Variants in BRMS1L observed in about 807,000 individuals in gnomAD.
BRMS1L encodes breast cancer metastasis-suppressor 1-like protein.
BRMS1L carries 23 observed loss-of-function variants against 50.3 expected under a neutral mutation model. That is an observed-to-expected ratio of 0.46 (90% CI 0.33 to 0.65). The LOEUF (loss-of-function observed/expected upper bound fraction) is 0.65. BRMS1L is among the 30% of genes least tolerant of loss of function. BRMS1L has a pLI of 0.02. For missense variants in BRMS1L, 286 were observed against 386.1 expected (o/e 0.74, Z 2.17); for synonymous variants, 114 against 126.9 (o/e 0.90, Z 0.69).
intron 8 of BRMS1L, 159 bp downstream of exon 8, chr14:35,865,920 C>A: frequency 1.6e-6 from 1 of 642,604 alleles, no homozygotes; most frequent in Non-Finnish European, 2.6e-6. Context: ...CATTGCTTCA[C>A]GTAAAAGTTT....
intron 4 of BRMS1L, among the ~76,000 whole-genome samples, chr14:35,843,243 TGGA>T (rs1419391116): frequency 2.0e-5 from 3 of 152,328 alleles, no homozygotes; most frequent in South Asian, 2.1e-4. Flanking sequence ...TGTGATCCTT[TGGA>T]GGAGAAGAGG....
chr14:35,847,431 TG>T (rs2078150432), intron 4 of BRMS1L, among the ~76,000 whole-genome samples: 1 of 152,202 alleles, frequency 6.6e-6, no homozygotes, highest in South Asian at 2.1e-4. Flanking sequence ...CCCAAGTACC[TG>T]GGACTATAGG....
rs59272704 is a variant in BRMS1L at position 35,853,021 on chromosome 14, TAGAGAGAG to T, written c.442-9565_442-9558del. Among the ~76,000 whole-genome samples, 1,325 of 151,898 alleles carry T rather than the reference TAGAGAGAG, an allele frequency of 8.7e-3. 15 individuals carry two copies. The highest frequency in any genetic ancestry group is 0.031 in the African/African-American group (1,268 of 41,256). ...ATCTATCTATCTATCTATCTATATA[TAGAGAGAG>T]AGACTTATCATACTCACACATTTTA... On this transcript the variant is annotated intron_variant, in intron 4 of 9. Transcript: ENST00000216807.
At chr14:35,870,295 AT>A (rs914455341) in intron 9 of BRMS1L, 64 bp from the exon 10 acceptor site, 11 of 1,027,934 alleles carry the variant, frequency 1.1e-5, no homozygotes, top group Non-Finnish European at 1.6e-5. Context: ...TATATAGGTA[AT>A]AATCTAAAGT....
At position 35,867,995 on chromosome 14, in the gene BRMS1L, A is replaced by G. The variant is rs780063887; in HGVS notation, c.817A>G (p.Thr273Ala). 6.2e-7 allele frequency: 1 copy of G among 1,609,902 alleles called. No homozygotes were observed. Among genetic ancestry groups the G allele is most frequent in the Admixed American group, 1.7e-5 (1 of 58,980 alleles). The change falls in exon 9 of 10, where the codon ACA (threonine) becomes GCA (alanine). Residue 273 changes from threonine (T) to alanine (A), a missense_variant. This residue lies in a region of BRMS1L where 49 missense variants were observed against 39.1 expected (regional missense o/e 1.25). Coordinates refer to ENST00000216807, the MANE Select transcript of BRMS1L (RefSeq NM_032352.4). Reference protein sequence around the residue: ...YDGEWYIRGQTICIDKKDECP... With the variant: ...YDGEWYIRGQAICIDKKDECP... ...TGGTGAATGGTATATACGTGGACAA[A>G]CAATATGTATTGATAAAAAAGATGA...
Position 35,826,559 on chromosome 14 carries a change from C to T in BRMS1L, c.43C>T (p.His15Tyr). The T allele has an allele frequency of 3.1e-6, 5 of 1,605,874 alleles. No homozygotes were observed. The highest frequency in any genetic ancestry group is 4.2e-6 in the Non-Finnish European group (5 of 1,176,876). The stretch of plus-strand genomic sequence containing the variant: ...AGGGGATAAGAAGGAGACCAACCAT[C>T]ACGATGAGATGGAGGTGGACTACGC... ...SRGDKKETNH[H>Y]DEMEVDYAEN... Residue 15 changes from histidine (H) to tyrosine (Y), a missense_variant, in exon 1 of 10, where the codon CAC becomes TAC. Transcript: ENST00000216807.
chr14:35,835,838 C>G (rs1214344539), intron 4 of BRMS1L, among the ~76,000 whole-genome samples: 1 of 152,126 alleles, frequency 6.6e-6, no homozygotes, highest in East Asian at 1.9e-4. Flanking sequence ...GAGTGTCACC[C>G]TGTCTCAGAA....
intron 1 of BRMS1L, 75 bp downstream of exon 1, chr14:35,826,733 C>T: frequency 1.3e-6 from 2 of 1,561,054 alleles, no homozygotes; most frequent in South Asian, 1.2e-5. Context: ...CGCCAGGCGG[C>T]TGCGTCCTGC....
rs748367199 is a variant in BRMS1L, at chr14:35,834,943, C to G, written c.441+20C>G. On this transcript the variant is annotated intron_variant, in intron 4 of 9. Coordinates refer to ENST00000216807, the MANE Select transcript of BRMS1L (RefSeq NM_032352.4). The stretch of plus-strand genomic sequence containing the variant: ...TGTGAGGTACTGTCATTTTGCATAA[C>G]TTTTAAGCTAATTTCATCTCTTCAA... The G allele has an allele frequency of 2.6e-6, 4 of 1,566,850 alleles. No individual in the cohort carries two copies. The South Asian group carries it at 5.0e-5, about 19-fold the overall frequency.
chr14:35,869,239 T>G (rs2078458221), intron 9 of BRMS1L, among the ~76,000 whole-genome samples: 2 of 152,188 alleles, frequency 1.3e-5, no homozygotes, highest in South Asian at 4.1e-4. Flanking sequence ...TTACTACTAC[T>G]TAGCATAAAA....
chr14:35,848,312 G>A (rs1435516230), intron 4 of BRMS1L, among the ~76,000 whole-genome samples: 1 of 152,080 alleles, frequency 6.6e-6, no homozygotes, highest in African/African-American at 2.4e-5. Flanking sequence ...CTCTTAGCAA[G>A]TTTCCAGTAT....
chr14:35,866,421 C>T (rs1314610316), intron 8 of BRMS1L, among the ~76,000 whole-genome samples: 1 of 152,176 alleles, frequency 6.6e-6, no homozygotes, highest in Non-Finnish European at 1.5e-5. Flanking sequence ...TCTGTTTAGG[C>T]TGGGCATGGT....
chr14:35,834,827 A>G lies in BRMS1L; in HGVS notation c.362-17A>G. The G allele has an allele frequency of 3.3e-6, 5 of 1,520,476 alleles. No individual in the cohort carries two copies. Among genetic ancestry groups the G allele is most frequent in the Non-Finnish European group, 4.4e-6 (5 of 1,130,172 alleles). The allele number at this position is 1,520,476 out of a possible 1,614,324, so 94.2% of individuals were successfully genotyped here. A position where few individuals can be genotyped will look rare whatever the true frequency, so the allele number is the denominator to read the frequency against. On this transcript the variant is annotated splice_polypyrimidine_tract_variant and intron_variant, in intron 3 of 9. Coordinates refer to ENST00000216807, the MANE Select transcript of BRMS1L (RefSeq NM_032352.4). Reference sequence around the variant, plus strand: ...TCTCATTGCTAACATAATCAGAGTAATTGTGTTTGGTTGCAGGAATCTATA... The same window carrying G: ...TCTCATTGCTAACATAATCAGAGTAGTTGTGTTTGGTTGCAGGAATCTATA...
intron 9 of BRMS1L, among the ~76,000 whole-genome samples, chr14:35,869,822 G>A (rs981281127): frequency 4.0e-5 from 6 of 151,686 alleles, no homozygotes; most frequent in African/African-American, 1.2e-4. Flanking sequence ...TTCCAGCCTC[G>A]GCGACAGAGT....
In BRMS1L at chr14:35,831,488, A is replaced by G; in HGVS notation, c.221A>G (p.Asp74Gly). The G allele has an allele frequency of 6.2e-7, 1 of 1,613,096 alleles. No individual in the cohort carries two copies. Among genetic ancestry groups the G allele is most frequent in the Non-Finnish European group, 8.5e-7 (1 of 1,179,126 alleles). ...TCCAATCTTGAAAAACAGTTTACCG[A>G]TCTCAAAGATCAGTAAGTAGTGACT... ...EMSNLEKQFT[D>G]LKDQLYKERL... The change falls in exon 2 of 10, where the codon GAT becomes GGT. Residue 74 changes from aspartate (D) to glycine (G), a missense_variant. By Grantham distance (94) the Asp-to-Gly change is moderately conservative. Transcript: ENST00000216807.
At chr14:35,857,011 C>T (rs1041545350) in intron 4 of BRMS1L, among the ~76,000 whole-genome samples, 3 of 152,010 alleles carry the variant, frequency 2.0e-5, no homozygotes, top group South Asian at 2.1e-4. Flanking sequence ...GAGGCCAAGG[C>T]GGGCAGATCA....
intron 1 of BRMS1L, among the ~76,000 whole-genome samples, chr14:35,830,467 C>T (rs890641000): frequency 6.6e-6 from 1 of 152,112 alleles, no homozygotes; most frequent in Non-Finnish European, 1.5e-5. Context: ...AAACGATCCT[C>T]CCACTTCGGT....
rs751219119 is a variant in BRMS1L at position 35,870,496 on chromosome 14, C to A, written c.*19C>A. On this transcript the variant is annotated 3_prime_UTR_variant, in exon 10 of 10. Transcript: ENST00000216807. ...TTCATAATCATGATTTAAGTGTTAT[C>A]TAAATTTACCTTATTAGTGTTACCA... is the stretch of plus-strand genomic sequence containing the variant. 2 of 1,452,418 alleles carry A rather than the reference C, an allele frequency of 1.4e-6. No individual in the cohort carries two copies. Among genetic ancestry groups the A allele is most frequent in the Non-Finnish European group, 1.9e-6 (2 of 1,043,444 alleles). The allele number at this position is 1,452,418 out of a possible 1,614,324, so 90.0% of individuals were successfully genotyped here. A position where few individuals can be genotyped will look rare whatever the true frequency, so the allele number is the denominator to read the frequency against.
intron 1 of BRMS1L, among the ~76,000 whole-genome samples, chr14:35,829,065 C>G (rs548396739): frequency 6.6e-6 from 1 of 152,026 alleles, no homozygotes; most frequent in African/African-American, 2.4e-5. Flanking sequence ...CCTCAGCCTC[C>G]TGAGTAGCTG....
Sources: gnomAD v4.1 joint callset for allele counts (sites outside exome capture counted in the v4.1 genomes callset) on GRCh38, gnomAD v4.1.1 for gene constraint, gnomAD v4.1.1 regional missense constraint, MANE v1.5 for transcripts, NCBI Gene and HGNC (gene_info 2026-07-23, HGNC 2026-07-21) for gene names.